The following FHIT variants were observed in gnomAD, a reference collection of about 807,000 sequenced individuals.
The protein encoded by FHIT is fragile histidine triad diadenosine triphosphatase.
Under a neutral mutation model 17.9 loss-of-function variants are expected in FHIT, and 19 were observed. The ratio of observed to expected loss-of-function variants is 1.06; its 90% CI spans 0.74 to 1.56. The LOEUF (loss-of-function observed/expected upper bound fraction) is 1.56, where lower values mean the gene tolerates loss of function less well. Among genes scored for constraint, FHIT ranks in the 40% most tolerant of loss-of-function variants. The pLI, the probability that FHIT is intolerant of heterozygous loss-of-function variation, is 0.00. For synonymous variants in FHIT, 81 were observed against 69.7 expected (o/e 1.16, Z -0.81); for missense variants, 248 against 189.2 (o/e 1.31, Z -1.82).
chr3:60,057,135 C>T (rs1409116940), intron 5 of FHIT, among the ~76,000 whole-genome samples: 1 of 152,152 alleles, frequency 6.6e-6, no homozygotes, highest in South Asian at 2.1e-4. Flanking sequence ...GTGGGATTCA[C>T]TTTGTGAACA....
At chr3:60,184,826 C>T (rs528756626) in intron 5 of FHIT, among the ~76,000 whole-genome samples, 1 of 152,276 alleles carries the variant, frequency 6.6e-6, no homozygotes, top group East Asian at 1.9e-4. Context: ...TTATTTCCAT[C>T]CCTATTTATT....
intron 5 of FHIT, among the ~76,000 whole-genome samples, chr3:60,493,963 T>G (rs2107506942): frequency 6.6e-6 from 1 of 152,274 alleles, no homozygotes; most frequent in East Asian, 1.9e-4. Context: ...TGCTTTGTAG[T>G]TTTTTCAGAT....
intron 2 of FHIT, among the ~76,000 whole-genome samples, chr3:61,192,491 A>G (rs1274162883): frequency 1.3e-5 from 2 of 152,152 alleles, no homozygotes; most frequent in Non-Finnish European, 2.9e-5. Context: ...AGGATTCTAT[A>G]ATGCCTTCCC....
chr3:60,019,216 C>T (rs1210065015), intron 5 of FHIT, among the ~76,000 whole-genome samples: 2 of 152,084 alleles, frequency 1.3e-5, no homozygotes, highest in Non-Finnish European at 1.5e-5. Flanking sequence ...CACATTCTAT[C>T]GGTCAAAGAA....
At chr3:61,207,354 T>C (rs377282822) in intron 1 of FHIT, among the ~76,000 whole-genome samples, 32 of 152,148 alleles carry the variant, frequency 2.1e-4, no homozygotes, top group Admixed American at 1.2e-3. Flanking sequence ...AGGGAGGATT[T>C]CCTCTTTTTC....
intron 4 of FHIT, among the ~76,000 whole-genome samples, chr3:60,606,856 C>A (rs2038624662): frequency 6.6e-6 from 1 of 152,168 alleles, no homozygotes; most frequent in African/African-American, 2.4e-5. Context: ...CTGCCCGCAT[C>A]TTGATTCTGT....
At chr3:59,770,801 G>A (rs1270447877) in intron 8 of FHIT, among the ~76,000 whole-genome samples, 1 of 152,194 alleles carries the variant, frequency 6.6e-6, no homozygotes, top group Non-Finnish European at 1.5e-5. Flanking sequence ...CAGCTGTCAA[G>A]TGGCAGGGAA....
chr3:60,705,348 A>G (rs1472242331), intron 4 of FHIT, among the ~76,000 whole-genome samples: 1 of 152,198 alleles, frequency 6.6e-6, no homozygotes, highest in Admixed American at 6.5e-5. Flanking sequence ...AAAGGGAAAT[A>G]AGAACCTTCA....
chr3:60,504,386 A>T (rs1403348139), intron 5 of FHIT, among the ~76,000 whole-genome samples: 1 of 151,800 alleles, frequency 6.6e-6, no homozygotes, highest in Admixed American at 6.6e-5. Context: ...GTGAGCCAAG[A>T]TCTCCACTGC....
At chr3:60,709,341 T>A (rs2041456447) in intron 4 of FHIT, among the ~76,000 whole-genome samples, 1 of 152,212 alleles carries the variant, frequency 6.6e-6, no homozygotes, top group Non-Finnish European at 1.5e-5. Flanking sequence ...TGTGTTGTGA[T>A]ATATTATTAG....
chr3:60,963,964 G>T (rs1358270378), intron 3 of FHIT, among the ~76,000 whole-genome samples: 1 of 152,204 alleles, frequency 6.6e-6, no homozygotes. Context: ...CTGCAGAGCT[G>T]AGTTCAATTC....
chr3:60,518,651 C>T (rs961583800), intron 5 of FHIT, among the ~76,000 whole-genome samples: 2 of 152,150 alleles, frequency 1.3e-5, no homozygotes, highest in Non-Finnish European at 1.5e-5. Flanking sequence ...GTCGAAAAGT[C>T]AGTAATAACT....
At chr3:59,979,803 A>C (rs1327589300) in intron 7 of FHIT, among the ~76,000 whole-genome samples, 1 of 152,138 alleles carries the variant, frequency 6.6e-6, no homozygotes, top group Non-Finnish European at 1.5e-5. Context: ...AAAAGAAAGA[A>C]ACTGTGAAAC....
chr3:60,540,188 C>G (rs2036141070), intron 4 of FHIT, among the ~76,000 whole-genome samples: 1 of 152,030 alleles, frequency 6.6e-6, no homozygotes. Context: ...CGCAGAAGTT[C>G]CTGAAGGATG....
chr3:60,537,836 C>A (rs2036041111), intron 4 of FHIT, among the ~76,000 whole-genome samples: 2 of 152,080 alleles, frequency 1.3e-5, no homozygotes, highest in African/African-American at 4.8e-5. Context: ...AAACACCATC[C>A]CTAGAAAACT....
At chr3:60,668,930 T>C (rs2107838887) in intron 4 of FHIT, among the ~76,000 whole-genome samples, 2 of 152,244 alleles carry the variant, frequency 1.3e-5, no homozygotes, top group Middle Eastern at 6.8e-3. Context: ...TAGTTGTTCT[T>C]AGCAGGAAAA....
intron 2 of FHIT, among the ~76,000 whole-genome samples, chr3:61,123,455 C>A (rs979753945): frequency 6.6e-6 from 1 of 151,476 alleles, no homozygotes; most frequent in Non-Finnish European, 1.5e-5. Context: ...ACCTATGTAA[C>A]AAACCTGCAC....
At position 60,130,914 on chromosome 3, in the gene FHIT, T is replaced by C. The variant is rs186875642; in HGVS notation, c.104-116762A>G. ...ACACATACACATATATACACATATA[T>C]GTATACATACATATATGTTTATATA... On this transcript the variant is annotated intron_variant, in intron 5 of 9. Transcript: ENST00000492590. Among the ~76,000 whole-genome samples, 34 of 142,340 alleles carry C rather than the reference T, an allele frequency of 2.4e-4. No individual in the cohort carries two copies. In the South Asian group the frequency reaches 7.4e-3, roughly 31 times the overall value. 93.4% of individuals were successfully genotyped at this position (142,340 alleles called of 152,430 possible). A position where few individuals can be genotyped will look rare whatever the true frequency, so the allele number is the denominator to read the frequency against.
chr3:60,809,177 A>C (rs1406872086), intron 4 of FHIT, among the ~76,000 whole-genome samples: 1 of 152,190 alleles, frequency 6.6e-6, no homozygotes, highest in Non-Finnish European at 1.5e-5. Flanking sequence ...CAAGAGCATA[A>C]AATTTCATTT....
Sources: gnomAD v4.1 joint callset for allele counts (sites outside exome capture counted in the v4.1 genomes callset) on GRCh38, gnomAD v4.1.1 for gene constraint, MANE v1.5 for transcripts, NCBI Gene and HGNC (gene_info 2026-07-23, HGNC 2026-07-21) for gene names.